Variants in JMY observed in about 807,000 individuals in gnomAD.
JMY encodes junction mediating and regulatory protein, p53 cofactor.
In JMY, 46 loss-of-function variants were observed where a neutral mutation model predicts 103.3. That is an observed-to-expected ratio of 0.45 (90% confidence interval 0.35 to 0.57). JMY has a LOEUF of 0.57. Ranked by LOEUF, JMY falls within the 20% of genes least tolerant of loss-of-function variation. The probability of loss-of-function intolerance (pLI) is 0.00; values close to 1 mark genes in which losing one functional copy is unlikely to be tolerated. For synonymous variants in JMY, 526 were observed against 489.3 expected (o/e 1.07, Z -0.99); for missense variants, 1,238 against 1,255.2 (o/e 0.99, Z 0.21).
intron 7 of JMY, among the ~76,000 whole-genome samples, chr5:79,311,302 T>C (rs1435276744): frequency 2.0e-5 from 3 of 152,124 alleles, no homozygotes; most frequent in Non-Finnish European, 4.4e-5. Flanking sequence ...TCCAGTTTCC[T>C]GTTGTCTCCC....
chr5:79,270,358 T>TTACA (rs1382507916), intron 1 of JMY, among the ~76,000 whole-genome samples: 7 of 135,264 alleles, frequency 5.2e-5, no homozygotes, highest in East Asian at 2.1e-4. Flanking sequence ...ACATAAATAT[T>TTACA]TAAAATGTAT....
intron 6 of JMY, 56 bp downstream of exon 6, chr5:79,300,919 T>C: frequency 7.1e-7 from 1 of 1,400,888 alleles, no homozygotes; most frequent in Non-Finnish European, 9.6e-7. Flanking sequence ...TCTACTAATC[T>C]CATCTGTTTT....
At chr5:79,287,561 C>G in intron 2 of JMY, among the ~76,000 whole-genome samples, 1 of 152,220 alleles carries the variant, frequency 6.6e-6, no homozygotes, top group Middle Eastern at 3.4e-3. Context: ...CAGGAGGACA[C>G]TTGAGGCTGA....
At chr5:79,267,257 A>G (rs1413581151) in intron 1 of JMY, among the ~76,000 whole-genome samples, 1 of 152,192 alleles carries the variant, frequency 6.6e-6, no homozygotes, top group African/African-American at 2.4e-5. Context: ...GTAGAACCCT[A>G]GAGTTTCTAT....
At chr5:79,310,024 G>A in intron 7 of JMY, among the ~76,000 whole-genome samples, 1 of 138,748 alleles carries the variant, frequency 7.2e-6, no homozygotes, top group Non-Finnish European at 1.5e-5. Context: ...GGCAACAGGA[G>A]TAAAAATTAG....
chr5:79,318,761 T>TATATATAG (rs1218912301), intron 10 of JMY, among the ~76,000 whole-genome samples: 11 of 53,610 alleles, frequency 2.1e-4, no homozygotes, highest in African/African-American at 1.2e-3. Context: ...TATATATATA[T>TATATATAG]AGAGAGAGAG....
At chr5:79,280,681 A>T (rs1746078916) in intron 2 of JMY, among the ~76,000 whole-genome samples, 1 of 152,218 alleles carries the variant, frequency 6.6e-6, no homozygotes, top group African/African-American at 2.4e-5. Context: ...CTTTAAAAAG[A>T]TCCGCTAATT....
intron 1 of JMY, among the ~76,000 whole-genome samples, chr5:79,241,024 A>T (rs540501024): frequency 1.3e-4 from 20 of 152,330 alleles, no homozygotes. Flanking sequence ...GTCACTTACA[A>T]TACTTAGTCC....
chr5:79,288,685 T>G (rs1746337418), intron 2 of JMY, among the ~76,000 whole-genome samples: 1 of 152,070 alleles, frequency 6.6e-6, no homozygotes, highest in African/African-American at 2.4e-5. Context: ...TTTTTGTTTT[T>G]TTGGTATTCT....
intron 2 of JMY, chr5:79,284,270 C>A: frequency 1.3e-6 from 2 of 1,495,146 alleles, no homozygotes; most frequent in Non-Finnish European, 1.8e-6. Context: ...ACTTGGGCTT[C>A]TTCAGCATTT....
At chr5:79,286,691 TG>T (rs879741072) in intron 2 of JMY, among the ~76,000 whole-genome samples, 1 of 151,882 alleles carries the variant, frequency 6.6e-6, no homozygotes, top group Non-Finnish European at 1.5e-5. Context: ...TTTCGATAAA[TG>T]GTACATGGAC....
chr5:79,305,255 A>G (rs900434901), intron 6 of JMY, among the ~76,000 whole-genome samples: 2 of 152,034 alleles, frequency 1.3e-5, no homozygotes, highest in African/African-American at 4.8e-5. Flanking sequence ...AGTTCAACCA[A>G]TCTGGCCAAC....
At chr5:79,318,221 G>T (rs1747304994) in intron 10 of JMY, among the ~76,000 whole-genome samples, 1 of 150,526 alleles carries the variant, frequency 6.6e-6, no homozygotes. Flanking sequence ...CACCATCTTG[G>T]CCAGGCTGGT....
At chr5:79,248,355 G>A (rs748428331) in intron 1 of JMY, among the ~76,000 whole-genome samples, 23 of 151,882 alleles carry the variant, frequency 1.5e-4, no homozygotes, top group Non-Finnish European at 2.9e-4. Flanking sequence ...CACCCAGGCT[G>A]GAGTGCAGTG....
intron 1 of JMY, among the ~76,000 whole-genome samples, chr5:79,259,017 A>G (rs1302801970): frequency 6.6e-6 from 1 of 152,064 alleles, no homozygotes. Context: ...CAATAGAACA[A>G]CTCAGAGGAG....
At chr5:79,251,746 ATTG>A (rs1296027899) in intron 1 of JMY, among the ~76,000 whole-genome samples, 3 of 150,982 alleles carry the variant, frequency 2.0e-5, no homozygotes, top group African/African-American at 7.3e-5. Flanking sequence ...AATGAGTTCA[ATTG>A]TTGTGATTTT....
At chr5:79,239,678 G>T (rs1463805302) in intron 1 of JMY, among the ~76,000 whole-genome samples, 4 of 151,976 alleles carry the variant, frequency 2.6e-5, no homozygotes, top group South Asian at 4.2e-4. Flanking sequence ...GGGTGTGGTG[G>T]CGGGCACCTG....
intron 1 of JMY, among the ~76,000 whole-genome samples, chr5:79,266,875 A>G (rs1025065145): frequency 3.9e-5 from 6 of 152,354 alleles, no homozygotes; most frequent in Middle Eastern, 3.4e-3. Flanking sequence ...GTCAGCAGGT[A>G]TGAAAATCAG....
Position 79,270,626 on chromosome 5 carries a change from TATATTTACATAAATATTTATATAAA to T in JMY, c.1033-7279_1033-7255del, listed in dbSNP as rs1489929897. ...TATTTACATAAATGTTTATATAAAA[TATATTTACATAAATATTTATATAAA>T]ATATATATTTACATAAATATAAAAT... On this transcript the variant is annotated intron_variant, in intron 1 of 10. Coordinates refer to ENST00000396137, the MANE Select transcript of JMY (RefSeq NM_152405.5). Among the ~76,000 whole-genome samples the T allele has an allele frequency of 4.4e-3, 602 of 138,018 alleles. 15 individuals are homozygous for T. The highest frequency in any genetic ancestry group is 0.016 in the African/African-American group (587 of 35,728). The allele number at this position is 138,018 out of a possible 152,430, so 90.5% of individuals were successfully genotyped here. A position where few individuals can be genotyped will look rare whatever the true frequency, so the allele number is the denominator to read the frequency against.
Sources: gnomAD v4.1 joint callset for allele counts (sites outside exome capture counted in the v4.1 genomes callset) on GRCh38, gnomAD v4.1.1 for gene constraint, MANE v1.5 for transcripts, NCBI Gene and HGNC (gene_info 2026-07-23, HGNC 2026-07-21) for gene names.